Variants in ATP11B observed in about 807,000 individuals in gnomAD.
The protein encoded by ATP11B is phospholipid-transporting ATPase IF.
A neutral mutation model predicts 157.8 loss-of-function variants in ATP11B; 81 were observed. The observed-to-expected ratio is 0.51, with a 90% CI of 0.43 to 0.62. ATP11B has a LOEUF of 0.62. Ranked by LOEUF, ATP11B falls within the 20% of genes least tolerant of loss-of-function variation. The pLI, the probability that ATP11B is intolerant of heterozygous loss-of-function variation, is 0.00. For missense variants in ATP11B, 1,165 were observed against 1,402.2 expected (o/e 0.83, Z 2.70); for synonymous variants, 451 against 469.4 (o/e 0.96, Z 0.51).
At chr3:182,882,784 GAC>G (rs1389335916) in intron 21 of ATP11B, among the ~76,000 whole-genome samples, 1 of 152,050 alleles carries the variant, frequency 6.6e-6, no homozygotes, top group Non-Finnish European at 1.5e-5. Context: ...TAAAATAGAT[GAC>G]AAAGTTGTAA....
At position 182,875,110 on chromosome 3, in the gene ATP11B, A is replaced by AC. The variant is rs1651834247; in HGVS notation, c.2252+1095_2252+1096insC. On this transcript the variant is annotated intron_variant, in intron 19 of 29. Coordinates refer to ENST00000323116, the MANE Select transcript of ATP11B (RefSeq NM_014616.3). ...TAGGCATATCAAATTTTTGCCCTGT[A>AC]TGGGGGCAAATGATGCCCCATTTAA... 5.9e-5 allele frequency among the ~76,000 whole-genome samples: 9 copies of AC among 152,270 alleles called. No individual in the cohort carries two copies. The East Asian group carries it at 1.7e-3, about 29-fold the overall frequency.
At chr3:182,841,549 A>G (rs1312619997) in intron 7 of ATP11B, among the ~76,000 whole-genome samples, 1 of 152,242 alleles carries the variant, frequency 6.6e-6, no homozygotes, top group Non-Finnish European at 1.5e-5. Flanking sequence ...TCATTACCTC[A>G]TTCATAGCTG....
At chr3:182,894,541 C>T (rs1045398275) in intron 25 of ATP11B, among the ~76,000 whole-genome samples, 1 of 152,180 alleles carries the variant, frequency 6.6e-6, no homozygotes, top group Non-Finnish European at 1.5e-5. Flanking sequence ...ACATTATCAC[C>T]TACCAGCTCA....
chr3:182,852,168 C>A (rs1720029224), intron 10 of ATP11B, among the ~76,000 whole-genome samples: 1 of 152,174 alleles, frequency 6.6e-6, no homozygotes, highest in South Asian at 2.1e-4. Flanking sequence ...TTTTAACTGA[C>A]TCATGGGTCA....
intron 29 of ATP11B, chr3:182,916,462 T>C (rs1577127994): frequency 3.0e-6 from 3 of 985,388 alleles, no homozygotes; most frequent in Non-Finnish European, 3.6e-6. Flanking sequence ...TATTAATTGA[T>C]GTTGTCAATG....
intron 1 of ATP11B, among the ~76,000 whole-genome samples, chr3:182,806,898 G>C (rs1716359647): frequency 6.6e-6 from 1 of 152,068 alleles, no homozygotes; most frequent in Non-Finnish European, 1.5e-5. Flanking sequence ...GGTGCAGAGG[G>C]GGTACTGCTG....
intron 4 of ATP11B, among the ~76,000 whole-genome samples, chr3:182,835,141 T>C (rs1379915101): frequency 4.0e-5 from 6 of 151,630 alleles, no homozygotes; most frequent in Non-Finnish European, 8.8e-5. Context: ...GTACAAGAGG[T>C]AGAGGAGGTG....
At chr3:182,883,374 C>T (rs1038651246) in intron 21 of ATP11B, among the ~76,000 whole-genome samples, 2 of 151,836 alleles carry the variant, frequency 1.3e-5, no homozygotes, top group Admixed American at 1.3e-4. Context: ...TCTCCTACCT[C>T]AGCCTCCCAA....
At chr3:182,811,837 A>G (rs1716686041) in intron 1 of ATP11B, among the ~76,000 whole-genome samples, 1 of 152,194 alleles carries the variant, frequency 6.6e-6, no homozygotes, top group Non-Finnish European at 1.5e-5. Context: ...GATAAACATT[A>G]AAAATGTTTA....
At chr3:182,840,128 A>G (rs1718891865) in intron 7 of ATP11B, among the ~76,000 whole-genome samples, 1 of 152,172 alleles carries the variant, frequency 6.6e-6, no homozygotes. Flanking sequence ...TGTTTCAAAT[A>G]CTGTATGGTA....
intron 10 of ATP11B, among the ~76,000 whole-genome samples, chr3:182,851,618 ATTCTGACCTC>A (rs1490383374): frequency 1.3e-5 from 2 of 152,236 alleles, no homozygotes; most frequent in East Asian, 3.8e-4. Context: ...AAAGATGCAT[ATTCTGACCTC>A]TAGAGCTTCC....
chr3:182,888,858 C>CTT (rs565378947), intron 24 of ATP11B, among the ~76,000 whole-genome samples: 2 of 124,928 alleles, frequency 1.6e-5, no homozygotes, highest in African/African-American at 3.0e-5. Context: ...TATCATATTT[C>CTT]TTTTTTTTTT....
At position 182,800,927 on chromosome 3, in the gene ATP11B, G is replaced by A. The variant is rs1664289341; in HGVS notation, c.27+7141G>A. 3.0e-5 allele frequency among the ~76,000 whole-genome samples: 4 copies of A among 133,452 alleles called. No individual in the cohort carries two copies. In the South Asian group the frequency reaches 1.0e-3, roughly 33 times the overall value. 87.5% of individuals were successfully genotyped at this position (133,452 alleles called of 152,430 possible). A position where few individuals can be genotyped will look rare whatever the true frequency, so the allele number is the denominator to read the frequency against. On this transcript the variant is annotated intron_variant, in intron 1 of 29. Coordinates refer to ENST00000323116, the MANE Select transcript of ATP11B (RefSeq NM_014616.3). The stretch of plus-strand genomic sequence containing the variant: ...TGATTCTCCTGCCTCAGCCTCCTGA[G>A]TAGCTGGGATTACAGGCACGTCCCA...
intron 28 of ATP11B, among the ~76,000 whole-genome samples, chr3:182,907,084 C>A (rs1724416252): frequency 7.3e-6 from 1 of 137,222 alleles, no homozygotes; most frequent in Non-Finnish European, 1.5e-5. Context: ...CAGAGTGAGA[C>A]TCCGTCTCAA....
intron 1 of ATP11B, among the ~76,000 whole-genome samples, chr3:182,803,915 A>G (rs569745371): frequency 6.6e-6 from 1 of 152,156 alleles, no homozygotes; most frequent in Non-Finnish European, 1.5e-5. Context: ...TTGGTGCACA[A>G]ATAATGCTCT....
chr3:182,869,234 A>C lies in ATP11B; in HGVS notation c.1769A>C (p.Lys590Thr). 1 of 1,607,716 alleles carries C rather than the reference A, an allele frequency of 6.2e-7. No homozygotes were observed. Among genetic ancestry groups the C allele is most frequent in the Middle Eastern group, 1.7e-4 (1 of 5,956 alleles). Residue 590 changes from lysine (K) to threonine (T), a missense_variant, in exon 17 of 30, where the codon AAG (lysine) becomes ACG (threonine). Physicochemically the swap from Lys to Thr is moderately conservative, Grantham distance 78. Coordinates refer to ENST00000323116, the MANE Select transcript of ATP11B (RefSeq NM_014616.3). ...TCATTTTTTTTGTCTCTAGGTGAGA[A>C]GTTATTATTTGCTAAAGGAGCTGAG... is the stretch of plus-strand genomic sequence containing the variant. ...SVIVQAPSGE[K>T]LLFAKGAESS...
Position 182,836,377 on chromosome 3 carries a change from T to C in ATP11B, c.459T>C (p.Ile153=). ...TTGTTCGAATAGCCAAAGATGAAATTTTTCCTGCAGACTTGGTGCTTCTGT... is the reference window on the plus strand; with the variant it reads ...TTGTTCGAATAGCCAAAGATGAAATCTTTCCTGCAGACTTGGTGCTTCTGT... ...GDIVRIAKDE[I]FPADLVLLSS... is the part of the protein sequence containing the mutation. Residue 153 remains isoleucine, a synonymous_variant, in exon 6 of 30, where the codon ATT becomes ATC. Coordinates refer to ENST00000323116, the MANE Select transcript of ATP11B (RefSeq NM_014616.3). 3 of 1,613,916 alleles carry C rather than the reference T, an allele frequency of 1.9e-6. No individual in the cohort carries two copies. Among genetic ancestry groups the C allele is most frequent in the Non-Finnish European group, 2.5e-6 (3 of 1,179,826 alleles).
intron 4 of ATP11B, among the ~76,000 whole-genome samples, chr3:182,835,268 ATAATTC>A (rs1718461015): frequency 6.6e-6 from 1 of 152,226 alleles, no homozygotes; most frequent in Non-Finnish European, 1.5e-5. Context: ...TGTACTAATT[ATAATTC>A]TGTCAGTCTG....
chr3:182,913,147 T>A (rs1724910021), intron 28 of ATP11B, among the ~76,000 whole-genome samples: 1 of 152,254 alleles, frequency 6.6e-6, no homozygotes, highest in Non-Finnish European at 1.5e-5. Flanking sequence ...ACTTATTCAC[T>A]TGTTTAATAA....
Sources: gnomAD v4.1 joint callset for allele counts (sites outside exome capture counted in the v4.1 genomes callset) on GRCh38, gnomAD v4.1.1 for gene constraint, MANE v1.5 for transcripts, NCBI Gene and HGNC (gene_info 2026-07-23, HGNC 2026-07-21) for gene names.